Variants in PKHD1L1 observed in about 807,000 individuals in gnomAD.
PKHD1L1 encodes the protein PKHD1 like 1.
A neutral mutation model predicts 462.9 loss-of-function variants in PKHD1L1; 434 were observed. That is an observed-to-expected ratio of 0.94 (90% confidence interval 0.87 to 1.02). The LOEUF (loss-of-function observed/expected upper bound fraction) is 1.02. PKHD1L1 is among the 50% of genes least tolerant of loss of function. The probability of loss-of-function intolerance (pLI) is 0.00; values close to 1 mark genes in which losing one functional copy is unlikely to be tolerated. For missense variants in PKHD1L1, 5,202 were observed against 5,096.1 expected (o/e 1.02, Z -0.63); for synonymous variants, 1,781 against 1,750.0 (o/e 1.02, Z -0.44).
Position 109,476,775 on chromosome 8 carries a change from T to C in PKHD1L1, c.8917+108T>C, listed in dbSNP as rs7828841. 6,426 of 963,208 alleles carry C rather than the reference T, an allele frequency of 6.7e-3. 179 individuals carry two copies. Among genetic ancestry groups the C allele is most frequent in the African/African-American group, 0.063 (3,597 of 57,370 alleles). The allele number at this position is 963,208 out of a possible 1,614,324, so 59.7% of individuals were successfully genotyped here. A position where few individuals can be genotyped will look rare whatever the true frequency, so the allele number is the denominator to read the frequency against. On this transcript the variant is annotated intron_variant, in intron 52 of 77. Transcript: ENST00000378402. ...TGTGCAGTGCTTAATATATACAGGA[T>C]CCAATAAATGTTTGCTGAATGGAAA...
intron 29 of PKHD1L1, 100 bp downstream of exon 29, chr8:109,435,454 T>G (rs1815354709): frequency 7.8e-7 from 1 of 1,286,190 alleles, no homozygotes; most frequent in African/African-American, 1.5e-5. Flanking sequence ...TCCCAAAGCT[T>G]CCTCTTATAG....
chr8:109,489,822 C>T (rs1190003731), intron 59 of PKHD1L1, 130 bp from the exon 60 acceptor site: 15 of 661,148 alleles, frequency 2.3e-5, no homozygotes, highest in South Asian at 2.0e-4. Flanking sequence ...AATACTACCT[C>T]TTCTGGATTA....
intron 50 of PKHD1L1, among the ~76,000 whole-genome samples, chr8:109,467,986 C>T (rs927132029): frequency 6.6e-6 from 1 of 152,136 alleles, no homozygotes; most frequent in Non-Finnish European, 1.5e-5. Context: ...CATTTCTCAT[C>T]AGTATTGCAA....
At chr8:109,408,689 T>A (rs1357287080) in intron 18 of PKHD1L1, among the ~76,000 whole-genome samples, 2 of 152,136 alleles carry the variant, frequency 1.3e-5, no homozygotes, top group Non-Finnish European at 1.5e-5. Context: ...GGTACCCAAA[T>A]CCTAACTCAG....
At chr8:109,395,453 T>C in intron 10 of PKHD1L1, among the ~76,000 whole-genome samples, 1 of 152,208 alleles carries the variant, frequency 6.6e-6, no homozygotes, top group East Asian at 1.9e-4. Flanking sequence ...CAATCAAATG[T>C]GAAACTTCCT....
At chr8:109,366,049 A>C (rs1811215814) in intron 2 of PKHD1L1, among the ~76,000 whole-genome samples, 1 of 152,208 alleles carries the variant, frequency 6.6e-6, no homozygotes. Flanking sequence ...TGATCTAGGA[A>C]CTATGGCTTC....
In PKHD1L1 at chr8:109,445,642, A is replaced by C; in HGVS notation, c.5773A>C (p.Arg1925=). The C allele has an allele frequency of 6.2e-7, 1 of 1,600,800 alleles. No homozygotes were observed. Among genetic ancestry groups the C allele is most frequent in the Non-Finnish European group, 8.5e-7 (1 of 1,170,072 alleles). The change falls in exon 38 of 78, where the codon AGA becomes CGA. Residue 1925 remains arginine (R), a synonymous_variant. Coordinates refer to ENST00000378402, the MANE Select transcript of PKHD1L1 (RefSeq NM_177531.6). ...ATTTCTCAGAGGAATTATCCCAAGC[A>C]GAGGTACTCCAATATCTGCCTTATT... The part of the protein sequence containing the change: ...TPFLRGIIPS[R]GPPGTEIEIT...
At chr8:109,478,614 C>G (rs1002972400) in intron 53 of PKHD1L1, among the ~76,000 whole-genome samples, 1 of 151,922 alleles carries the variant, frequency 6.6e-6, no homozygotes, top group African/African-American at 2.4e-5. Flanking sequence ...TGCAAGTGCC[C>G]TGACATAGAA....
chr8:109,421,822 A>G (rs1814489950), intron 23 of PKHD1L1, among the ~76,000 whole-genome samples: 1 of 152,144 alleles, frequency 6.6e-6, no homozygotes, highest in South Asian at 2.1e-4. Context: ...AAGGCTCTGT[A>G]TTCTCAAAGC....
At chr8:109,415,239 C>T (rs1814086845) in intron 21 of PKHD1L1, among the ~76,000 whole-genome samples, 1 of 151,888 alleles carries the variant, frequency 6.6e-6, no homozygotes, top group South Asian at 2.1e-4. Flanking sequence ...TAGGCTCAAG[C>T]AATCCTCCTG....
In PKHD1L1 at chr8:109,427,135, C is replaced by A. The variant is rs192890547; in HGVS notation, c.2979C>A (p.Cys993Ter). 1.9e-6 allele frequency: 3 copies of A among 1,613,692 alleles called. No homozygotes were observed. The highest frequency in any genetic ancestry group is 2.2e-5 in the South Asian group (2 of 91,064). ...GGAACATCAAATGGAGAAGCACCTG[C>A]GGAAAGCAGAATCTTCTACAGGTTC... ...YAWNIKWRST[C>*]GKQNLLQIND... is the part of the protein sequence containing the mutation. Residue 993 changes from cysteine to a stop codon, truncating the protein, a stop_gained, in exon 25 of 78, where the codon TGC (cysteine) becomes TGA (stop). Transcript: ENST00000378402. LOFTEE classifies it high-confidence loss of function.
Position 109,420,548 on chromosome 8 carries a change from C to T in PKHD1L1, c.2555C>T (p.Ala852Val). The T allele has an allele frequency of 6.3e-7, 1 of 1,598,772 alleles. No individual in the cohort carries two copies. Among genetic ancestry groups the T allele is most frequent in the East Asian group, 2.3e-5 (1 of 44,062 alleles). ...CCCAAGAGAAGACTTCCTGCATTAGCAAATAAAGGAATATTCTTAGAGCAC... is the reference window on the plus strand; with the variant it reads ...CCCAAGAGAAGACTTCCTGCATTAGTAAATAAAGGAATATTCTTAGAGCAC... ...EMPKRRLPAL[A>V]NKGIFLEHFQ... The change falls in exon 23 of 78, where the codon GCA becomes GTA. Residue 852 changes from alanine to valine, a missense_variant. Transcript: ENST00000378402.
At chr8:109,373,210 A>C (rs1355030680) in intron 2 of PKHD1L1, among the ~76,000 whole-genome samples, 1 of 152,066 alleles carries the variant, frequency 6.6e-6, no homozygotes, top group African/African-American at 2.4e-5. Context: ...CAGAGATTCA[A>C]CTTCTTCCTG....
chr8:109,381,391 TTAAC>T lies in PKHD1L1; in HGVS notation c.188_191del (p.Asn63MetfsTer14). ...CCAGGTTTTTCTCAAGCAAACCAGT[TTAAC>T]TATGGAGTTGATAACGCTGAGTTGG... On this transcript the variant is annotated frameshift_variant, in exon 3 of 78. Transcript: ENST00000378402. LOFTEE classifies it high-confidence loss of function. 1 of 1,576,850 alleles carries T rather than the reference TTAAC, an allele frequency of 6.3e-7. No homozygotes were observed. The highest frequency in any genetic ancestry group is 8.6e-7 in the Non-Finnish European group (1 of 1,159,414).
rs377204876 is a variant in PKHD1L1 at position 109,406,402 on chromosome 8, A to G, written c.1737A>G (p.Lys579=). 4.6e-5 allele frequency: 73 copies of G among 1,581,672 alleles called. 1 individual carries two copies. In the Middle Eastern group the frequency reaches 1.3e-3, roughly 29 times the overall value. The change falls in exon 17 of 78, where the codon AAA becomes AAG. Residue 579 remains lysine, a synonymous_variant. Transcript: ENST00000378402. ...CCTTGAATGACCTCTGGTCTATAAA[A>G]CCGGACACAGTTCAAGTAATAAGAA... is the stretch of plus-strand genomic sequence containing the variant. ...QSALNDLWSI[K]PDTVQVIRTQ... is the part of the protein sequence containing the mutation.
rs748123301 is a variant in PKHD1L1, at chr8:109,464,938, G to A, written c.8106G>A (p.Ala2702=). The part of the protein sequence containing the change: ...YVGGWGETNG[A]VIKNAKIVGH... ...GAGGGTGGGGTGAAACCAATGGAGC[G>A]GTGATTAAAAATGCCAAAATAGTCG... The change falls in exon 49 of 78, where the codon GCG becomes GCA. Residue 2702 remains alanine (A), a synonymous_variant. Transcript: ENST00000378402. 8 of 1,613,786 alleles carry A rather than the reference G, an allele frequency of 5.0e-6. No individual in the cohort carries two copies. Among genetic ancestry groups the A allele is most frequent in the East Asian group, 4.5e-5 (2 of 44,872 alleles).
intron 61 of PKHD1L1, among the ~76,000 whole-genome samples, chr8:109,491,407 A>T (rs970874932): frequency 2.0e-5 from 3 of 151,780 alleles, no homozygotes; most frequent in African/African-American, 7.2e-5. Context: ...AGCCCTATAA[A>T]ATGGAAGAAT....
chr8:109,456,715 A>C (rs1675885826), intron 46 of PKHD1L1, among the ~76,000 whole-genome samples: 1 of 152,196 alleles, frequency 6.6e-6, no homozygotes, highest in Admixed American at 6.5e-5. Context: ...TGACTACTAA[A>C]AGTCATTTGG....
chr8:109,457,001 T>C (rs940088087), intron 46 of PKHD1L1, among the ~76,000 whole-genome samples: 1 of 152,138 alleles, frequency 6.6e-6, no homozygotes, highest in African/African-American at 2.4e-5. Context: ...TTTAATTACA[T>C]TTTTTAGCAA....
Sources: allele counts gnomAD v4.1 joint callset (sites outside exome capture counted in the v4.1 genomes callset), GRCh38; gene constraint gnomAD v4.1.1; transcripts MANE v1.5; gene names NCBI Gene and HGNC (gene_info 2026-07-23, HGNC 2026-07-21).